The following CYP17A1 variants were observed in gnomAD, a reference collection of about 807,000 sequenced individuals.
CYP17A1 encodes steroid 17-alpha-hydroxylase/17,20 lyase.
A neutral mutation model predicts 38.5 loss-of-function variants in CYP17A1; 27 were observed. The ratio of observed to expected loss-of-function variants is 0.70; its 90% CI spans 0.52 to 0.97. The LOEUF (loss-of-function observed/expected upper bound fraction) is 0.97. CYP17A1 is among the 50% of genes least tolerant of loss of function. The pLI, the probability that CYP17A1 is intolerant of heterozygous loss-of-function variation, is 0.00. For synonymous variants in CYP17A1, 263 were observed against 253.3 expected (o/e 1.04, Z -0.36); for missense variants, 549 against 645.9 (o/e 0.85, Z 1.63).
At chr10:102,833,906 T>C (rs1844124400) in intron 4 of CYP17A1, 130 bp downstream of exon 4, 1 of 671,408 alleles carries the variant, frequency 1.5e-6, no homozygotes, top group South Asian at 1.6e-5. Flanking sequence ...AGTCAGTTTT[T>C]ATTGTACACC....
At chr10:102,836,877 T>A in intron 1 of CYP17A1, 188 bp downstream of exon 1, 2 of 632,710 alleles carry the variant, frequency 3.2e-6, no homozygotes, top group South Asian at 3.6e-5. Flanking sequence ...ATTCCTTTAA[T>A]TCTTCCTGCC....
intron 1 of CYP17A1, chr10:102,835,627 G>A (rs1844153073): frequency 1.7e-6 from 1 of 572,832 alleles, no homozygotes; most frequent in African/African-American, 1.9e-5. Flanking sequence ...GAGAAAGAAA[G>A]AACCCTTAAT....
intron 6 of CYP17A1, 102 bp downstream of exon 6, chr10:102,832,409 T>G: frequency 1.2e-6 from 1 of 802,502 alleles, no homozygotes; most frequent in Non-Finnish European, 2.2e-6. Flanking sequence ...TTGACTGACT[T>G]TAGGTTGGCC....
Position 102,830,775 on chromosome 10 carries a change from A to G in CYP17A1, c.1454T>C (p.Leu485Pro). The G allele has an allele frequency of 6.2e-7, 1 of 1,601,700 alleles. No homozygotes were observed. The highest frequency in any genetic ancestry group is 8.5e-7 in the Non-Finnish European group (1 of 1,170,420). The stretch of plus-strand genomic sequence containing the variant: ...GATCTTCACTTTGAAAGAGTCGATC[A>G]GAAAGACCACCTTGGGGATGCCTTC... ...SLEGIPKVVF[L>P]IDSFKVKIKV... Residue 485 changes from leucine (L) to proline (P), a missense_variant, in exon 8 of 8, where the codon CTG becomes CCG. By Grantham distance (98) the Leu-to-Pro change is moderately conservative. This residue lies in a region of CYP17A1 where 257 missense variants were observed against 307.9 expected (regional missense o/e 0.83). Coordinates refer to ENST00000369887, the MANE Select transcript of CYP17A1 (RefSeq NM_000102.4). The surrounding 1 kb of genome is among the most constrained non-coding windows in gnomAD (Gnocchi z 4.1).
chr10:102,831,332 C>G (rs1844085832), intron 7 of CYP17A1, among the ~76,000 whole-genome samples, 176 bp downstream of exon 7: 1 of 152,088 alleles, frequency 6.6e-6, no homozygotes, highest in Non-Finnish European at 1.5e-5. Flanking sequence ...GCGTGGGAAA[C>G]CCAGCTGTGA....
chr10:102,831,006 CAGCCA>C, intron 7 of CYP17A1, 21 bp from the exon 8 acceptor site: 2 of 1,527,682 alleles, frequency 1.3e-6, no homozygotes, highest in East Asian at 4.8e-5. Context: ...GGAGTGGCAT[CAGCCA>C]GGGGTTAGGG....
intron 6 of CYP17A1, 40 bp downstream of exon 6, chr10:102,832,471 T>A: frequency 7.3e-7 from 1 of 1,378,064 alleles, no homozygotes; most frequent in Non-Finnish European, 1.0e-6. Context: ...CAGTGTTGAA[T>A]GCATCATGGG....
At chr10:102,831,207 GA>G (rs1844083944) in intron 7 of CYP17A1, among the ~76,000 whole-genome samples, 1 of 152,220 alleles carries the variant, frequency 6.6e-6, no homozygotes, top group Non-Finnish European at 1.5e-5. Flanking sequence ...ATGGAAAAGA[GA>G]TGGAATTAAC....
Position 102,834,574 on chromosome 10 carries a change from A to T in CYP17A1, c.666+211T>A, listed in dbSNP as rs1374524554. 4 of 645,288 alleles carry T rather than the reference A, an allele frequency of 6.2e-6. No individual in the cohort carries two copies. In the Admixed American group the frequency reaches 1.1e-4, roughly 17 times the overall value. The allele number at this position is 645,288 out of a possible 1,614,324, so 40.0% of individuals were successfully genotyped here. A position where few individuals can be genotyped will look rare whatever the true frequency, so the allele number is the denominator to read the frequency against. The stretch of plus-strand genomic sequence containing the variant: ...AATTGGAAAAGAAATGAAGGTCATT[A>T]TCTGGAGTACTAAGGTGCATAATTA... On this transcript the variant is annotated intron_variant, in intron 3 of 7. Transcript: ENST00000369887.
At position 102,837,262 on chromosome 10, in the gene CYP17A1, G is replaced by A. The variant is rs145117545; in HGVS notation, c.100C>T (p.Leu34=). The change falls in exon 1 of 8, where the codon CTG becomes TTG. Residue 34 remains leucine, a synonymous_variant. Coordinates refer to ENST00000369887, the MANE Select transcript of CYP17A1 (RefSeq NM_000102.4). ...AATGGCAGGCTGCCCACCAGGGGCA[G>A]GGACAGGAGGCTCTTGGGGTACTTG... is the stretch of plus-strand genomic sequence containing the variant. ...GAKYPKSLLS[L]PLVGSLPFLP... The A allele has an allele frequency of 7.4e-5, 118 of 1,602,710 alleles. No homozygotes were observed. Among genetic ancestry groups the A allele is most frequent in the Non-Finnish European group, 9.7e-5 (113 of 1,169,628 alleles).
intron 6 of CYP17A1, among the ~76,000 whole-genome samples, chr10:102,832,190 C>T (rs1056819065): frequency 1.2e-4 from 18 of 152,292 alleles, no homozygotes; most frequent in African/African-American, 4.3e-4. Context: ...TCTCCTGCCT[C>T]AGCCTCCTGA....
At chr10:102,831,135 A>C (rs1239628735) in intron 7 of CYP17A1, 150 bp from the exon 8 acceptor site, 1 of 726,740 alleles carries the variant, frequency 1.4e-6, no homozygotes, top group South Asian at 1.5e-5. Flanking sequence ...GCCTGGGGAG[A>C]GATACAGCCC....
chr10:102,832,846 T>C, intron 5 of CYP17A1, 147 bp downstream of exon 5: 1 of 1,490,560 alleles, frequency 6.7e-7, no homozygotes, highest in Non-Finnish European at 9.2e-7. Flanking sequence ...AGCTCTACTC[T>C]GGGGTCAAAG....
intron 6 of CYP17A1, among the ~76,000 whole-genome samples, chr10:102,831,947 TG>T (rs1844095866): frequency 1.3e-5 from 2 of 152,304 alleles, no homozygotes; most frequent in South Asian, 4.1e-4. Flanking sequence ...CCAGACCACA[TG>T]TCTCTGAGGG....
chr10:102,831,209 T>A (rs1844084000), intron 7 of CYP17A1, among the ~76,000 whole-genome samples: 1 of 151,758 alleles, frequency 6.6e-6, no homozygotes, highest in Non-Finnish European at 1.5e-5. Flanking sequence ...GGAAAAGAGA[T>A]GGAATTAACC....
At chr10:102,837,025 G>T (rs1193179062) in intron 1 of CYP17A1, 40 bp downstream of exon 1, 14 of 1,190,040 alleles carry the variant, frequency 1.2e-5, no homozygotes, top group Non-Finnish European at 1.5e-5. Context: ...CAATCCCAGG[G>T]GGTGGTGAAG....
At position 102,833,323 on chromosome 10, in the gene CYP17A1, G is replaced by A; in HGVS notation, c.754-115C>T. On this transcript the variant is annotated intron_variant, in intron 4 of 7. Coordinates refer to ENST00000369887, the MANE Select transcript of CYP17A1 (RefSeq NM_000102.4). The stretch of plus-strand genomic sequence containing the variant: ...AAGGCTCCTTCCACTTGGAAGTAGA[G>A]CAAGTCTGGGCAGGACCTACGAACT... 1.3e-6 allele frequency: 2 copies of A among 1,575,310 alleles called. 1 individual carries two copies. Among genetic ancestry groups the A allele is most frequent in the South Asian group, 2.3e-5 (2 of 86,976 alleles).
At chr10:102,833,265 C>G (rs1330769646) in intron 4 of CYP17A1, 57 bp from the exon 5 acceptor site, 1 of 1,612,830 alleles carries the variant, frequency 6.2e-7, no homozygotes, top group Non-Finnish European at 8.5e-7. Context: ...CTGTGACACT[C>G]CTGCCATACT....
At position 102,833,143 on chromosome 10, in the gene CYP17A1, T is replaced by G; in HGVS notation, c.819A>C (p.Ser273=). 1 of 1,614,202 alleles carries G rather than the reference T, an allele frequency of 6.2e-7. No individual in the cohort carries two copies. Among genetic ancestry groups the G allele is most frequent in the South Asian group, 1.1e-5 (1 of 91,092 alleles). ...LDTLMQAKMN[S]DNGNAGPDQD... ...GATCTGGGCCAGCATTGCCATTATCTGAGTTCATCTTGGCTTGCATCAGTG... is the reference window on the plus strand; with the variant it reads ...GATCTGGGCCAGCATTGCCATTATCGGAGTTCATCTTGGCTTGCATCAGTG... The change falls in exon 5 of 8, where the codon TCA becomes TCC. Residue 273 remains serine (S), a synonymous_variant. Transcript: ENST00000369887.
Sources: gnomAD v4.1 joint callset for allele counts (sites outside exome capture counted in the v4.1 genomes callset) on GRCh38, gnomAD v4.1.1 for gene constraint, gnomAD v4.1.1 regional missense constraint, Gnocchi (gnomAD v3.1) non-coding constraint, MANE v1.5 for transcripts, NCBI Gene and HGNC (gene_info 2026-07-23, HGNC 2026-07-21) for gene names.